Variants in NALCN observed in about 807,000 individuals in gnomAD.
NALCN encodes sodium leak channel NALCN.
Under a neutral mutation model 225.3 loss-of-function variants are expected in NALCN, and 111 were observed. The ratio of observed to expected loss-of-function variants is 0.49; its 90% confidence interval spans 0.42 to 0.58. The LOEUF is 0.58. NALCN is among the 20% of genes least tolerant of loss of function. The probability of loss-of-function intolerance (pLI) is 0.00; values close to 1 mark genes in which losing one functional copy is unlikely to be tolerated. For synonymous variants in NALCN, 764 were observed against 769.0 expected, an observed-to-expected ratio of 0.99 and a Z score of 0.11; for missense variants, 1,378 against 2,202.4, an observed-to-expected ratio of 0.63 and a Z score of 7.49.
chr13:101,192,315 A>C (rs1456047696), intron 13 of NALCN, among the ~76,000 whole-genome samples: 1 of 152,216 alleles, frequency 6.6e-6, no homozygotes, highest in Non-Finnish European at 1.5e-5. Context: ...CTGTTGAGCA[A>C]ATTAGAAACA....
intron 12 of NALCN, among the ~76,000 whole-genome samples, chr13:101,235,233 T>C (rs1177596226): frequency 1.3e-5 from 2 of 152,152 alleles, no homozygotes; most frequent in Admixed American, 6.5e-5. Context: ...GTTTGTCATT[T>C]AAACAGTTTT....
intron 11 of NALCN, among the ~76,000 whole-genome samples, chr13:101,248,948 T>C (rs750531910): frequency 1.2e-4 from 19 of 152,224 alleles, no homozygotes; most frequent in Non-Finnish European, 2.6e-4. Context: ...ATATTAGCCA[T>C]ATGATATGTC....
chr13:101,113,774 G>C (rs1331133412), intron 18 of NALCN, among the ~76,000 whole-genome samples: 1 of 152,158 alleles, frequency 6.6e-6, no homozygotes, highest in Non-Finnish European at 1.5e-5. Flanking sequence ...AAAAAGACTT[G>C]TTTTATACTC....
intron 2 of NALCN, among the ~76,000 whole-genome samples, chr13:101,395,577 C>T (rs1470429568): frequency 3.3e-5 from 5 of 152,104 alleles, no homozygotes; most frequent in Non-Finnish European, 7.4e-5. Context: ...ACCTATTTTC[C>T]ACATAAACAC....
intron 14 of NALCN, among the ~76,000 whole-genome samples, chr13:101,188,682 A>G (rs150043388): frequency 1.3e-4 from 8 of 61,920 alleles, no homozygotes; most frequent in South Asian, 4.7e-4. Context: ...GTGTGTGTGT[A>G]TATATATATA....
At chr13:101,111,067 T>C in intron 19 of NALCN, 58 bp downstream of exon 19, 9 of 1,543,954 alleles carry the variant, frequency 5.8e-6, no homozygotes, top group Non-Finnish European at 2.7e-6. Flanking sequence ...CAGCGACCAT[T>C]TCCTGTAAAA....
chr13:101,077,760 C>T (rs188941872), intron 34 of NALCN, among the ~76,000 whole-genome samples: 2 of 152,280 alleles, frequency 1.3e-5, no homozygotes, highest in Admixed American at 6.5e-5. Context: ...CAGAAATTTA[C>T]ATAAGTAACG....
At chr13:101,073,730 T>C in intron 36 of NALCN, 53 bp from the exon 37 acceptor site, 2 of 1,478,864 alleles carry the variant, frequency 1.4e-6, no homozygotes, top group South Asian at 2.4e-5. Flanking sequence ...GGGTTTGTCA[T>C]GAAATAGCAT....
chr13:101,230,840 ATG>A (rs10607040), intron 12 of NALCN, among the ~76,000 whole-genome samples: 41,008 of 151,978 alleles, frequency 0.27, 6,545 homozygotes, highest in Non-Finnish European at 0.37. Flanking sequence ...ACGCATGTAT[ATG>A]TGTGTGTGTA....
chr13:101,085,650 T>C (rs1285729717), intron 30 of NALCN, among the ~76,000 whole-genome samples: 2 of 152,152 alleles, frequency 1.3e-5, no homozygotes, highest in African/African-American at 4.8e-5. Context: ...AATTGAAATA[T>C]CACACTGTAC....
intron 7 of NALCN, among the ~76,000 whole-genome samples, chr13:101,343,706 A>G (rs560911433): frequency 1.3e-5 from 2 of 152,296 alleles, no homozygotes; most frequent in African/African-American, 4.8e-5. Flanking sequence ...CTCCAAGGCA[A>G]TTTCCTCCTA....
chr13:101,383,034 C>T (rs1194312503), intron 3 of NALCN, among the ~76,000 whole-genome samples: 6 of 152,014 alleles, frequency 3.9e-5, no homozygotes, highest in Non-Finnish European at 7.4e-5. Context: ...GAGTTATGAC[C>T]CAAGATACAA....
intron 7 of NALCN, among the ~76,000 whole-genome samples, chr13:101,329,097 C>T (rs989388113): frequency 6.6e-6 from 1 of 152,146 alleles, no homozygotes; most frequent in Non-Finnish European, 1.5e-5. Context: ...AGTATCTTTA[C>T]AGGAAAGCCT....
intron 10 of NALCN, among the ~76,000 whole-genome samples, chr13:101,260,588 T>C (rs2042392309): frequency 6.6e-6 from 1 of 152,216 alleles, no homozygotes; most frequent in Admixed American, 6.5e-5. Context: ...TGATGTCTCA[T>C]TGTAGTTTTC....
At chr13:101,399,451 A>G (rs980387343) in intron 1 of NALCN, among the ~76,000 whole-genome samples, 2 of 152,206 alleles carry the variant, frequency 1.3e-5, no homozygotes, top group African/African-American at 4.8e-5. Flanking sequence ...CTTAGGGCAG[A>G]CATATTCTTG....
At chr13:101,142,965 T>C in intron 17 of NALCN, 115 bp downstream of exon 17, 1 of 1,324,564 alleles carries the variant, frequency 7.5e-7, no homozygotes, top group Non-Finnish European at 1.1e-6. Context: ...GAAATCATTT[T>C]ATTTTCATTA....
At chr13:101,197,940 G>C (rs1385710137) in intron 13 of NALCN, among the ~76,000 whole-genome samples, 2 of 152,128 alleles carry the variant, frequency 1.3e-5, no homozygotes, top group African/African-American at 4.8e-5. Context: ...AAGTGGAAAA[G>C]AAAACATATT....
At chr13:101,307,558 T>C (rs2044194232) in intron 7 of NALCN, among the ~76,000 whole-genome samples, 1 of 152,186 alleles carries the variant, frequency 6.6e-6, no homozygotes, top group Non-Finnish European at 1.5e-5. Flanking sequence ...CTGCCATGCA[T>C]GTCTGAACTT....
intron 13 of NALCN, among the ~76,000 whole-genome samples, chr13:101,213,333 C>T (rs1365440911): frequency 6.6e-6 from 1 of 152,108 alleles, no homozygotes; most frequent in Non-Finnish European, 1.5e-5. Flanking sequence ...AGACCTAAAA[C>T]CATAAAAACC....
Sources: gnomAD v4.1 joint callset for allele counts (sites outside exome capture counted in the v4.1 genomes callset) on GRCh38, gnomAD v4.1.1 for gene constraint, MANE v1.5 for transcripts, NCBI Gene and HGNC (gene_info 2026-07-23, HGNC 2026-07-21) for gene names.